Variants in WTAP observed in about 807,000 individuals in gnomAD.
WTAP encodes the protein pre-mRNA-splicing regulator WTAP.
In WTAP, 8 loss-of-function variants were observed where a neutral mutation model predicts 50.0. That is an observed-to-expected ratio of 0.16 (90% CI 0.09 to 0.29). WTAP has a LOEUF of 0.29. Ranked by LOEUF, WTAP falls within the 10% of genes least tolerant of loss-of-function variation. The pLI is 1.00. For missense variants in WTAP, 295 were observed against 470.7 expected, an observed-to-expected ratio of 0.63 and a Z score of 3.45; for synonymous variants, 194 against 169.0, an observed-to-expected ratio of 1.15 and a Z score of -1.15.
intron 3 of WTAP, among the ~76,000 whole-genome samples, chr6:159,741,406 C>G (rs1433194605): frequency 6.6e-6 from 1 of 152,134 alleles, no homozygotes; most frequent in Non-Finnish European, 1.5e-5. Flanking sequence ...GGTATTTTCC[C>G]AAAAGAGCCA....
In WTAP at chr6:159,727,712, G is replaced by C; in HGVS notation, c.-9+9G>C. On this transcript the variant is annotated intron_variant, in intron 1 of 7. Coordinates refer to ENST00000621533, the MANE Select transcript of WTAP (RefSeq NM_001270531.2). Reference sequence around the variant, plus strand: ...GGCTTCTGCCTGGAGAGGTAGGCGCGGGCCGGCTGGCGGGAGCGGACGCGG... The same window carrying C: ...GGCTTCTGCCTGGAGAGGTAGGCGCCGGCCGGCTGGCGGGAGCGGACGCGG... 4.3e-5 allele frequency: 42 copies of C among 985,566 alleles called. No individual in the cohort carries two copies. Among genetic ancestry groups the C allele is most frequent in the Non-Finnish European group, 5.1e-5 (42 of 830,118 alleles). 61.1% of individuals were successfully genotyped at this position (985,566 alleles called of 1,614,324 possible).
At chr6:159,734,722 A>C (rs542242456) in intron 1 of WTAP, among the ~76,000 whole-genome samples, 1 of 152,350 alleles carries the variant, frequency 6.6e-6, no homozygotes, top group African/African-American at 2.4e-5. Flanking sequence ...GAATATGCCA[A>C]ATGCAATTTA....
Position 159,748,964 on chromosome 6 carries a change from C to T in WTAP, c.452+595C>T. The stretch of plus-strand genomic sequence containing the variant: ...ATTTTGCCTTTAAAGGGTTTATTTG[C>T]TGAGAACCAACTTTCAATAGTCATG... On this transcript the variant is annotated intron_variant, in intron 6 of 7. Transcript: ENST00000621533. This position sits in a 1 kb window ranked among gnomAD's most constrained non-coding sequence, Gnocchi z 5.6. 9.3e-7 allele frequency: 1 copy of T among 1,071,632 alleles called. No homozygotes were observed. Among genetic ancestry groups the T allele is most frequent in the Non-Finnish European group, 1.1e-6 (1 of 886,412 alleles). 66.4% of individuals were successfully genotyped at this position (1,071,632 alleles called of 1,614,324 possible).
At chr6:159,747,447 C>T (rs192458172) in intron 5 of WTAP, among the ~76,000 whole-genome samples, 2 of 152,232 alleles carry the variant, frequency 1.3e-5, no homozygotes, top group East Asian at 3.9e-4. Context: ...TCCAGCTTTA[C>T]AATTCTATGA....
intron 4 of WTAP, 51 bp downstream of exon 4, chr6:159,742,197 TTAAAA>T: frequency 6.9e-7 from 1 of 1,439,782 alleles, no homozygotes; most frequent in Non-Finnish European, 9.5e-7. Flanking sequence ...CTTTTGATTG[TTAAAA>T]TCAAAAGGAT....
At position 159,727,508 on chromosome 6, in the gene WTAP, C is replaced by A; in HGVS notation, c.-204C>A. 1.0e-6 allele frequency: 1 copy of A among 992,542 alleles called. No homozygotes were observed. The highest frequency in any genetic ancestry group is 4.4e-5 in the South Asian group (1 of 22,680). 61.5% of individuals were successfully genotyped at this position (992,542 alleles called of 1,614,324 possible). A position where few individuals can be genotyped will look rare whatever the true frequency, so the allele number is the denominator to read the frequency against. On this transcript the variant is annotated 5_prime_UTR_variant, in exon 1 of 8. Coordinates refer to ENST00000621533, the MANE Select transcript of WTAP (RefSeq NM_001270531.2). ...GCCGGGCGGCGGGGCCTGGTTTCCTCCCTCAGCGCCATTTTGTGGCAGCGA... is the reference window on the plus strand; with the variant it reads ...GCCGGGCGGCGGGGCCTGGTTTCCTACCTCAGCGCCATTTTGTGGCAGCGA...
intron 6 of WTAP, among the ~76,000 whole-genome samples, chr6:159,750,387 A>G (rs531897001): frequency 2.0e-5 from 3 of 152,282 alleles, no homozygotes; most frequent in Admixed American, 6.5e-5. Context: ...TTCTCTTTTA[A>G]TAAGATAATA....
intron 7 of WTAP, among the ~76,000 whole-genome samples, chr6:159,754,293 T>A (rs980915987): frequency 2.0e-5 from 3 of 152,238 alleles, no homozygotes; most frequent in Admixed American, 6.5e-5. Context: ...CTGTGACTTT[T>A]GTCCTTTTAT....
intron 3 of WTAP, among the ~76,000 whole-genome samples, chr6:159,740,764 C>A (rs1011921101): frequency 6.7e-6 from 1 of 148,182 alleles, no homozygotes. Context: ...AATGCAGTTG[C>A]GCGATCTCGG....
At position 159,742,106 on chromosome 6, in the gene WTAP, A is replaced by G. The variant is rs777913490; in HGVS notation, c.105A>G (p.Ala35=). The G allele has an allele frequency of 2.5e-6, 4 of 1,606,612 alleles. No homozygotes were observed. The highest frequency in any genetic ancestry group is 1.1e-5 in the South Asian group (1 of 89,028). The change falls in exon 4 of 8, where the codon GCA becomes GCG. Residue 35 remains alanine (A), a synonymous_variant. Transcript: ENST00000621533. ...ELILRWKQYE[A]YVQALEGKYT... ...TTATTAGATGGAAACAATATGAAGC[A>G]TATGTACAAGCTTTGGAGGGCAAGT... is the stretch of plus-strand genomic sequence containing the variant.
chr6:159,749,337 G>T, intron 6 of WTAP: 1 of 985,520 alleles, frequency 1.0e-6, no homozygotes, highest in Non-Finnish European at 1.2e-6. Flanking sequence ...TTTGTCGTTG[G>T]TGTTAATGGG....
rs200936281 is a variant in WTAP at position 159,742,052 on chromosome 6, A to C, written c.87-36A>C. 9 of 1,434,320 alleles carry C rather than the reference A, an allele frequency of 6.3e-6. No homozygotes were observed. In the African/African-American group the frequency reaches 1.3e-4, roughly 21 times the overall value. 88.8% of individuals were successfully genotyped at this position (1,434,320 alleles called of 1,614,324 possible). On this transcript the variant is annotated intron_variant, in intron 3 of 7. Coordinates refer to ENST00000621533, the MANE Select transcript of WTAP (RefSeq NM_001270531.2). ...TCTAGTTTATTTAATAAACTATTTT[A>C]TCGTAACAACTAATGTATGGATTTT... is the stretch of plus-strand genomic sequence containing the variant.
At chr6:159,730,826 G>T (rs539687414) in intron 1 of WTAP, 14 of 152,272 alleles carry the variant, frequency 9.2e-5, no homozygotes, top group African/African-American at 3.1e-4. Context: ...TACAAATACA[G>T]AGTTTTATTT....
chr6:159,744,936 T>C (rs1268622294), intron 5 of WTAP, among the ~76,000 whole-genome samples: 2 of 152,214 alleles, frequency 1.3e-5, no homozygotes, highest in African/African-American at 4.8e-5. Context: ...CTCCTTGGCC[T>C]CCCAAAACTG....
intron 6 of WTAP, 62 bp from the exon 7 acceptor site, chr6:159,753,398 A>C (rs1181862137): frequency 1.2e-6 from 2 of 1,609,646 alleles, no homozygotes; most frequent in African/African-American, 2.7e-5. Flanking sequence ...CACTGTAATA[A>C]TTGTAAGCAA....
chr6:159,749,373 G>T (rs1779739909), intron 6 of WTAP: 1 of 985,052 alleles, frequency 1.0e-6, no homozygotes, highest in Admixed American at 6.2e-5. Flanking sequence ...ATTGTATTTG[G>T]GCCTTTTGTA....
At chr6:159,726,698 C>CGCCGCGGACACAGCGCA (rs1421380919), upstream of WTAP, 1 of 1,168,920 alleles carries the variant, frequency 8.6e-7, no homozygotes, top group Admixed American at 2.7e-5. Context: ...GGGCCCTCAA[C>CGCCGCGGACACAGCGCA]GCCGCGGACA....
intron 3 of WTAP, among the ~76,000 whole-genome samples, chr6:159,740,299 T>G (rs1779175904): frequency 6.6e-6 from 1 of 152,222 alleles, no homozygotes; most frequent in South Asian, 2.1e-4. Flanking sequence ...ATGTTTTATT[T>G]TAAGATACCT....
At chr6:159,737,185 G>C (rs1778973157) in intron 2 of WTAP, among the ~76,000 whole-genome samples, 1 of 151,922 alleles carries the variant, frequency 6.6e-6, no homozygotes, top group Non-Finnish European at 1.5e-5. Context: ...GTATCTGGGG[G>C]CTACAAGTAC....
Sources: allele counts gnomAD v4.1 joint callset (sites outside exome capture counted in the v4.1 genomes callset), GRCh38; gene constraint gnomAD v4.1.1; non-coding constraint Gnocchi (gnomAD v3.1); transcripts MANE v1.5; gene names NCBI Gene and HGNC (gene_info 2026-07-23, HGNC 2026-07-21).